GDAP1: variants seen among roughly 807,000 people sequenced by gnomAD.
GDAP1 encodes ganglioside induced differentiation associated protein 1.
In GDAP1, 34 loss-of-function variants were observed where a neutral mutation model predicts 40.1. The observed-to-expected ratio is 0.85, with a 90% CI of 0.64 to 1.13. The LOEUF is 1.13. Ranked by LOEUF, GDAP1 falls within the 50% of genes most tolerant of loss-of-function variation. GDAP1 has a pLI of 0.00. For missense variants in GDAP1, 374 were observed against 433.7 expected (o/e 0.86, Z 1.22); for synonymous variants, 170 against 157.4 (o/e 1.08, Z -0.60).
chr8:74,377,279 T>A (rs1809872097), intron 2 of GDAP1, among the ~76,000 whole-genome samples: 2 of 152,082 alleles, frequency 1.3e-5, no homozygotes, highest in Non-Finnish European at 2.9e-5. Context: ...GATGAGAATA[T>A]TCACAATATA....
At chr8:74,482,124 G>T (rs974516621) in intron 2 of GDAP1, among the ~76,000 whole-genome samples, 6 of 148,768 alleles carry the variant, frequency 4.0e-5, no homozygotes, top group East Asian at 4.1e-4. Context: ...TTTTTTGGGG[G>T]GGGGGGGTCA....
intron 2 of GDAP1, among the ~76,000 whole-genome samples, chr8:74,378,908 G>A (rs1279388697): frequency 6.6e-6 from 1 of 152,198 alleles, no homozygotes; most frequent in Non-Finnish European, 1.5e-5. Context: ...AAGACTTAGG[G>A]AAGAGTTGCT....
intron 2 of GDAP1, among the ~76,000 whole-genome samples, chr8:74,355,815 C>T (rs1247908410): frequency 6.6e-6 from 1 of 151,574 alleles, no homozygotes; most frequent in Non-Finnish European, 1.5e-5. Context: ...ACGTTCATGT[C>T]TTATGTCTAG....
chr8:74,368,673 A>G (rs1179187925), downstream of GDAP1, among the ~76,000 whole-genome samples: 1 of 152,220 alleles, frequency 6.6e-6, no homozygotes, highest in South Asian at 2.1e-4. Flanking sequence ...CCTTTCAGGT[A>G]GAGGAGGGCC....
rs541349395 is a variant in GDAP1 at position 74,400,913 on chromosome 8, G to A, written c.165+49592G>A. On this transcript the variant is annotated intron_variant, in intron 2 of 2. Transcript: ENST00000523640. The stretch of plus-strand genomic sequence containing the variant: ...TCTTCTGGCTTATAGGGTTTCTGCC[G>A]AGAGATCCGCTGTTAGTCTGATGGG... Among the ~76,000 whole-genome samples the A allele has an allele frequency of 1.1e-3, 170 of 149,710 alleles. 13 individuals are homozygous for A. The Middle Eastern group carries it at 0.014, about 12-fold the overall frequency.
intron 2 of GDAP1, among the ~76,000 whole-genome samples, chr8:74,423,912 G>A (rs776372387): frequency 2.6e-5 from 4 of 152,076 alleles, no homozygotes; most frequent in Non-Finnish European, 2.9e-5. Context: ...GGTACTCATC[G>A]TTTGAAATAT....
chr8:74,396,270 A>G (rs1370062828), intron 2 of GDAP1, among the ~76,000 whole-genome samples: 1 of 151,960 alleles, frequency 6.6e-6, no homozygotes, highest in Non-Finnish European at 1.5e-5. Flanking sequence ...GGTTTCCACA[A>G]TTCCAATGTC....
intron 2 of GDAP1, among the ~76,000 whole-genome samples, chr8:74,445,351 GTTTGC>G (rs1175228929): frequency 2.0e-5 from 3 of 152,186 alleles, no homozygotes; most frequent in Non-Finnish European, 2.9e-5. Flanking sequence ...AGATAAGGTT[GTTTGC>G]TTTGCTTCTT....
chr8:74,412,878 G>A (rs1454438134), intron 2 of GDAP1, among the ~76,000 whole-genome samples: 1 of 146,040 alleles, frequency 6.8e-6, no homozygotes, highest in Non-Finnish European at 1.5e-5. Flanking sequence ...CTAACATGGT[G>A]AAACCCCGTC....
chr8:74,378,399 C>T (rs1358541948), intron 2 of GDAP1, among the ~76,000 whole-genome samples: 5 of 152,162 alleles, frequency 3.3e-5, no homozygotes, highest in African/African-American at 1.2e-4. Context: ...TTGCTGGCCC[C>T]AGCCAGTCCC....
intron 2 of GDAP1, among the ~76,000 whole-genome samples, chr8:74,439,070 T>C (rs1223013402): frequency 1.2e-4 from 18 of 151,942 alleles, no homozygotes; most frequent in Admixed American, 1.2e-3. Context: ...ATAACTTTTT[T>C]GTTTGGAAGT....
intron 2 of GDAP1, among the ~76,000 whole-genome samples, chr8:74,444,183 C>A (rs1329241495): frequency 7.1e-6 from 1 of 140,886 alleles, no homozygotes; most frequent in Non-Finnish European, 1.5e-5. Context: ...AGAATGGTGG[C>A]AGGCAAATGC....
At chr8:74,469,523 C>T (rs1340741925) in intron 2 of GDAP1, among the ~76,000 whole-genome samples, 1 of 151,394 alleles carries the variant, frequency 6.6e-6, no homozygotes. Flanking sequence ...AAAAAATTAG[C>T]CGGGCGCGGT....
Position 74,366,745 on chromosome 8 carries a change from T to C in GDAP1, c.*2378T>C, listed in dbSNP as rs755481467. The stretch of plus-strand genomic sequence containing the variant: ...GGATAGTCATAAATTGCTTGCTCAA[T>C]TTTTAGTAATTATTGCTGTTGACAC... On this transcript the variant is annotated 3_prime_UTR_variant, in exon 6 of 6. Coordinates refer to ENST00000220822, the MANE Select transcript of GDAP1 (RefSeq NM_018972.4). 16 of 453,508 alleles carry C rather than the reference T, an allele frequency of 3.5e-5. No homozygotes were observed. The highest frequency in any genetic ancestry group is 6.6e-5 in the Non-Finnish European group (15 of 226,654). The allele number at this position is 453,508 out of a possible 1,614,324, so 28.1% of individuals were successfully genotyped here.
chr8:74,457,060 G>A (rs1423186577), intron 2 of GDAP1, among the ~76,000 whole-genome samples: 1 of 152,046 alleles, frequency 6.6e-6, no homozygotes, highest in African/African-American at 2.4e-5. Context: ...CAGTTTGGAA[G>A]CCCAGCAAAA....
intron 2 of GDAP1, among the ~76,000 whole-genome samples, chr8:74,414,316 A>C (rs371001702): frequency 6.7e-6 from 1 of 150,244 alleles, no homozygotes; most frequent in East Asian, 1.9e-4. Flanking sequence ...ACAGATGCCT[A>C]TGTTGGGATA....
chr8:74,367,924 G>A (rs1809688126), downstream of GDAP1, among the ~76,000 whole-genome samples: 1 of 152,148 alleles, frequency 6.6e-6, no homozygotes, highest in South Asian at 2.1e-4. Context: ...AAGGCAGTGG[G>A]GTAGAGCAGC....
At chr8:74,426,821 A>G (rs1047028022) in intron 2 of GDAP1, among the ~76,000 whole-genome samples, 1 of 152,188 alleles carries the variant, frequency 6.6e-6, no homozygotes, top group Non-Finnish European at 1.5e-5. Flanking sequence ...TTGGTTACAT[A>G]GGAAATACAT....
At chr8:74,430,622 A>G (rs2131564619) in intron 2 of GDAP1, among the ~76,000 whole-genome samples, 1 of 152,292 alleles carries the variant, frequency 6.6e-6, no homozygotes, top group African/African-American at 2.4e-5. Context: ...AAAGGGAGAG[A>G]GAAAGTAGGG....
Sources: gnomAD v4.1 joint callset for allele counts (sites outside exome capture counted in the v4.1 genomes callset) on GRCh38, gnomAD v4.1.1 for gene constraint, MANE v1.5 for transcripts, NCBI Gene and HGNC (gene_info 2026-07-23, HGNC 2026-07-21) for gene names.